Variants in PLA2G2C observed in about 807,000 individuals in gnomAD.
PLA2G2C encodes phospholipase A2 group IIC.
A neutral mutation model predicts 14.3 loss-of-function variants in PLA2G2C; 15 were observed. That is an observed-to-expected ratio of 1.05 (90% CI 0.70 to 1.62). PLA2G2C has a LOEUF of 1.62. PLA2G2C is among the 40% of genes most tolerant of loss of function. The pLI is 0.00. For synonymous variants in PLA2G2C, 79 were observed against 67.7 expected, an observed-to-expected ratio of 1.17 and a Z score of -0.82; for missense variants, 162 against 173.2, an observed-to-expected ratio of 0.94 and a Z score of 0.36.
chr1:20,169,782 G>A (rs114877429), intron 4 of PLA2G2C, among the ~76,000 whole-genome samples: 391 of 152,306 alleles, frequency 2.6e-3, no homozygotes, highest in Non-Finnish European at 4.5e-3. Flanking sequence ...TTAATACAAG[G>A]GGTGGAGCTG....
rs35039220 is a variant in PLA2G2C, at chr1:20,179,521, CTGTG to C, written c.-76-2086_-76-2083del. On this transcript the variant is annotated intron_variant, in intron 1 of 4. Transcript: ENST00000679259. ...TCAGCTTCTCCCTCTATGTCAGTTTCTGTGTGTGTGTGTGTGTGTGTGTTAGCTT... is the reference window on the plus strand; with the variant it reads ...TCAGCTTCTCCCTCTATGTCAGTTTCTGTGTGTGTGTGTGTGTGTTAGCTT... Among the ~76,000 whole-genome samples the C allele has an allele frequency of 7.2e-4, 98 of 136,502 alleles. No individual in the cohort carries two copies. The Middle Eastern group carries it at 0.028, about 39-fold the overall frequency. The allele number at this position is 136,502 out of a possible 152,430, so 89.6% of individuals were successfully genotyped here.
chr1:20,176,652 G>C (rs910991683), intron 2 of PLA2G2C, among the ~76,000 whole-genome samples: 3 of 152,222 alleles, frequency 2.0e-5, no homozygotes, highest in Non-Finnish European at 4.4e-5. Context: ...ACCTTGCAAA[G>C]TGTAAATTCC....
At chr1:20,180,140 G>A (rs1281890395) in intron 1 of PLA2G2C, among the ~76,000 whole-genome samples, 1 of 152,132 alleles carries the variant, frequency 6.6e-6, no homozygotes, top group Non-Finnish European at 1.5e-5. Context: ...TTGCATGTCA[G>A]CTTCTCCCTC....
intron 1 of PLA2G2C, among the ~76,000 whole-genome samples, chr1:20,185,851 C>G (rs796398027): frequency 2.0e-5 from 3 of 152,338 alleles, no homozygotes; most frequent in Non-Finnish European, 2.9e-5. Flanking sequence ...ACACTCTCCC[C>G]CAGAGAGAAA....
intron 4 of PLA2G2C, 23 bp downstream of exon 4, chr1:20,172,771 T>A (rs2018108745): frequency 1.3e-6 from 2 of 1,591,428 alleles, no homozygotes; most frequent in African/African-American, 2.7e-5. Flanking sequence ...AAAAGACATT[T>A]CCATACAGAA....
In PLA2G2C at chr1:20,163,591, G is replaced by C. The variant is rs1384677162; in HGVS notation, c.*400C>G. ...GCAGTGGGGGTGAAGAGAGAGTTTG[G>C]GGTAGATCCTGGGGCTTCTCCCCTC... On this transcript the variant is annotated 3_prime_UTR_variant, in exon 5 of 5. Transcript: ENST00000679259. 2 of 159,752 alleles carry C rather than the reference G, an allele frequency of 1.3e-5. No homozygotes were observed. Among genetic ancestry groups the C allele is most frequent in the African/African-American group, 4.8e-5 (2 of 41,646 alleles). 9.9% of individuals were successfully genotyped at this position (159,752 alleles called of 1,614,324 possible). A position where few individuals can be genotyped will look rare whatever the true frequency, so the allele number is the denominator to read the frequency against.
intron 4 of PLA2G2C, among the ~76,000 whole-genome samples, chr1:20,167,904 C>T (rs535224197): frequency 1.3e-4 from 20 of 152,320 alleles, no homozygotes; most frequent in Admixed American, 6.5e-4. Flanking sequence ...TGCAGCCTGT[C>T]GCTTTGTCTG....
intron 1 of PLA2G2C, among the ~76,000 whole-genome samples, chr1:20,183,126 T>A (rs2100726933): frequency 6.6e-6 from 1 of 152,354 alleles, no homozygotes; most frequent in African/African-American, 2.4e-5. Context: ...GTGAAGATGA[T>A]GCAACAAGAG....
intron 4 of PLA2G2C, among the ~76,000 whole-genome samples, chr1:20,172,124 CT>C (rs1457319474): frequency 6.6e-6 from 1 of 152,156 alleles, no homozygotes; most frequent in Non-Finnish European, 1.5e-5. Flanking sequence ...AGGATCCACC[CT>C]GGCTATGCTG....
chr1:20,164,932 C>T (rs1040475497), intron 4 of PLA2G2C, among the ~76,000 whole-genome samples: 5 of 152,248 alleles, frequency 3.3e-5, no homozygotes, highest in Non-Finnish European at 7.3e-5. Context: ...TCCTCCTTCA[C>T]GGAAGGAAAT....
intron 1 of PLA2G2C, among the ~76,000 whole-genome samples, chr1:20,180,019 T>TTG (rs1249675037): frequency 6.6e-6 from 1 of 151,738 alleles, no homozygotes; most frequent in Non-Finnish European, 1.5e-5. Flanking sequence ...AGCTTCTCCC[T>TTG]TGTGTGTATG....
Position 20,164,099 on chromosome 1 carries a change from A to G in PLA2G2C, c.342T>C (p.Cys114=). The change falls in exon 5 of 5, where the codon TGT becomes TGC. Residue 114 remains cysteine, a synonymous_variant. Transcript: ENST00000679259. Reference sequence around the variant, plus strand: ...TGAAGCAGTGCACGGATTGCTTGTCACACTCACAGGCCTTCAGCCTGCAGT... The same window carrying G: ...TGAAGCAGTGCACGGATTGCTTGTCGCACTCACAGGCCTTCAGCCTGCAGT... The part of the protein sequence containing the change: ...SCHCRLKACE[C]DKQSVHCFKE... The G allele has an allele frequency of 6.2e-7, 1 of 1,613,866 alleles. No individual in the cohort carries two copies. The highest frequency in any genetic ancestry group is 8.5e-7 in the Non-Finnish European group (1 of 1,179,864).
chr1:20,184,138 A>G (rs2018321839), intron 1 of PLA2G2C: 2 of 152,278 alleles, frequency 1.3e-5, no homozygotes, highest in African/African-American at 4.8e-5. Flanking sequence ...TGTACTGCTG[A>G]CATTAAACAG....
chr1:20,170,189 C>A (rs2018046764), intron 4 of PLA2G2C, among the ~76,000 whole-genome samples: 1 of 152,218 alleles, frequency 6.6e-6, no homozygotes, highest in Non-Finnish European at 1.5e-5. Context: ...GGCTCATACA[C>A]TATAGCTGTT....
intron 3 of PLA2G2C, among the ~76,000 whole-genome samples, chr1:20,174,188 C>G (rs371090068): frequency 2.6e-5 from 4 of 152,188 alleles, no homozygotes; most frequent in East Asian, 1.9e-4. Context: ...GCCCCACCCA[C>G]AAGACTCGAG....
intron 1 of PLA2G2C, among the ~76,000 whole-genome samples, chr1:20,180,011 C>A (rs2018257257): frequency 6.6e-6 from 1 of 151,760 alleles, no homozygotes; most frequent in Non-Finnish European, 1.5e-5. Context: ...TCTATGTCAG[C>A]TTCTCCCTTG....
intron 3 of PLA2G2C, among the ~76,000 whole-genome samples, 180 bp from the exon 4 acceptor site, chr1:20,173,077 G>A (rs548109759): frequency 3.2e-4 from 48 of 151,918 alleles, no homozygotes; most frequent in Non-Finnish European, 5.9e-4. Context: ...GTGAGGATAA[G>A]GCAGGAGGAT....
At position 20,164,177 on chromosome 1, in the gene PLA2G2C, C is replaced by A; in HGVS notation, c.284-20G>T. On this transcript the variant is annotated intron_variant, in intron 4 of 4. Transcript: ENST00000679259. ...ATCCACCTACAGAGACACAGAGGGT[C>A]ACTGGGGGCTCCCAGCCCAGCCCCA... 6.2e-7 allele frequency: 1 copy of A among 1,602,444 alleles called. No homozygotes were observed.
At chr1:20,184,796 G>A (rs1311920232) in intron 1 of PLA2G2C, among the ~76,000 whole-genome samples, 1 of 152,064 alleles carries the variant, frequency 6.6e-6, no homozygotes, top group Non-Finnish European at 1.5e-5. Context: ...GAGGAGGGAG[G>A]GAGGTGGGAG....
Sources: gnomAD v4.1 joint callset for allele counts (sites outside exome capture counted in the v4.1 genomes callset) on GRCh38, gnomAD v4.1.1 for gene constraint, MANE v1.5 for transcripts, NCBI Gene and HGNC (gene_info 2026-07-23, HGNC 2026-07-21) for gene names.